PTPN3: variants seen among roughly 807,000 people sequenced by gnomAD.
The protein encoded by PTPN3 is protein tyrosine phosphatase non-receptor type 3.
PTPN3 carries 96 observed loss-of-function variants against 132.7 expected under a neutral mutation model. The observed-to-expected ratio is 0.72, with a 90% CI of 0.61 to 0.86. The LOEUF (loss-of-function observed/expected upper bound fraction) is 0.86, where lower values mean the gene tolerates loss of function less well. PTPN3 is among the 40% of genes least tolerant of loss of function. PTPN3 has a pLI of 0.00. For missense variants in PTPN3, 1,125 were observed against 1,159.6 expected (o/e 0.97, Z 0.43); for synonymous variants, 398 against 429.0 (o/e 0.93, Z 0.89).
At chr9:109,445,599 A>G (rs1449632139) in intron 6 of PTPN3, among the ~76,000 whole-genome samples, 1 of 152,052 alleles carries the variant, frequency 6.6e-6, no homozygotes, top group Admixed American at 6.6e-5. Context: ...TATCTCTAAG[A>G]GGGGAAAAAA....
chr9:109,510,568 AAAAAAAAAATATATATATAT>A, the PTPN3 span, among the ~76,000 whole-genome samples: 2 of 36,138 alleles, frequency 5.5e-5, no homozygotes, highest in Non-Finnish European at 1.1e-4. Flanking sequence ...TAAAAAAAAA[AAAAAAAAAATATATATATAT>A]ATATATATAT....
upstream of PTPN3, among the ~76,000 whole-genome samples, chr9:109,498,610 G>A (rs541500426): frequency 3.2e-4 from 49 of 152,330 alleles, no homozygotes; most frequent in African/African-American, 1.2e-3. This position sits in a 1 kb window ranked among gnomAD's most constrained non-coding sequence, Gnocchi z 4.2. Context: ...GGCGCCCAAA[G>A]AAACTTTGAA....
chr9:109,483,735 C>T (rs1275951327), intron 1 of PTPN3, among the ~76,000 whole-genome samples: 6 of 152,172 alleles, frequency 3.9e-5, no homozygotes, highest in Non-Finnish European at 7.3e-5. Context: ...CAACAGAACC[C>T]GACAGACCCC....
intron 6 of PTPN3, among the ~76,000 whole-genome samples, chr9:109,446,044 C>T (rs1352428356): frequency 6.6e-6 from 1 of 152,176 alleles, no homozygotes; most frequent in Non-Finnish European, 1.5e-5. Flanking sequence ...CTGATTGCTC[C>T]CTTTTCTTTT....
chr9:109,511,838 C>T, the PTPN3 span, among the ~76,000 whole-genome samples: 1 of 152,226 alleles, frequency 6.6e-6, no homozygotes, highest in Non-Finnish European at 1.5e-5. Flanking sequence ...GGTTCTCAAA[C>T]TCCAGCATTC....
chr9:109,454,468 AC>A lies in PTPN3; in HGVS notation c.368+27del, dbSNP rs566972352. ...GTGGTTACTCATTTTTATACACTAA[AC>A]AGAAAACTTTAAAAAAATGTTGTTA... On this transcript the variant is annotated intron_variant, in intron 5 of 25. Transcript: ENST00000374541. 6.0e-4 allele frequency: 954 copies of A among 1,580,712 alleles called. 7 individuals are homozygous for A. In the East Asian group the frequency reaches 0.014, roughly 24 times the overall value.
Position 109,377,394 on chromosome 9 carries a change from CTACACACACA to C in PTPN3, c.*2152_*2161del, listed in dbSNP as rs1200508412. ...TAGGCAACACATCAAGATCCTGTCT[CTACACACACA>C]CACACACACACACACACACACACAC... On this transcript the variant is annotated 3_prime_UTR_variant, in exon 26 of 26. Transcript: ENST00000374541. The C allele has an allele frequency of 3.6e-4, 42 of 115,786 alleles. No homozygotes were observed. Among genetic ancestry groups the C allele is most frequent in the Admixed American group, 2.0e-3 (22 of 11,036 alleles). The allele number at this position is 115,786 out of a possible 1,614,324, so 7.2% of individuals were successfully genotyped here.
At chr9:109,430,097 G>A (rs1460836285) in intron 10 of PTPN3, among the ~76,000 whole-genome samples, 2 of 152,138 alleles carry the variant, frequency 1.3e-5, no homozygotes, top group African/African-American at 4.8e-5. Context: ...ATAGTCTAAG[G>A]ATGAGAAGAG....
At chr9:109,388,253 C>A (rs1839765306) in intron 22 of PTPN3, among the ~76,000 whole-genome samples, 1 of 152,136 alleles carries the variant, frequency 6.6e-6, no homozygotes. Flanking sequence ...CTGAGGTCAT[C>A]CTGTCATCCA....
chr9:109,410,876 G>C (rs1046483939), intron 14 of PTPN3, among the ~76,000 whole-genome samples: 3 of 152,180 alleles, frequency 2.0e-5, no homozygotes, highest in Non-Finnish European at 4.4e-5. Flanking sequence ...GACTGTTGTT[G>C]TTGTGCGTTC....
At chr9:109,472,161 A>G (rs1445293703) in intron 1 of PTPN3, among the ~76,000 whole-genome samples, 1 of 152,264 alleles carries the variant, frequency 6.6e-6, no homozygotes, top group Non-Finnish European at 1.5e-5. Flanking sequence ...AAGCAACAGG[A>G]AAACTGCCAT....
At chr9:109,506,484 T>C in the PTPN3 span, among the ~76,000 whole-genome samples, 62,334 of 142,996 alleles carry the variant, frequency 0.44, 13,570 homozygotes, top group African/African-American at 0.53. Flanking sequence ...TCCTTCCTTC[T>C]TTCCTACCTA....
the PTPN3 span, among the ~76,000 whole-genome samples, chr9:109,532,396 TG>T: frequency 6.6e-6 from 1 of 152,190 alleles, no homozygotes; most frequent in Non-Finnish European, 1.5e-5. Context: ...GTAATCCCAT[TG>T]GCTCTTTTTA....
intron 19 of PTPN3, among the ~76,000 whole-genome samples, chr9:109,394,595 A>C (rs1345334194): frequency 2.0e-5 from 3 of 152,110 alleles, no homozygotes; most frequent in Non-Finnish European, 4.4e-5. Context: ...GGCATGTGCC[A>C]CCACATCCGG....
intron 22 of PTPN3, among the ~76,000 whole-genome samples, chr9:109,387,702 G>A (rs1839710742): frequency 1.3e-5 from 2 of 152,104 alleles, no homozygotes; most frequent in South Asian, 4.2e-4. Context: ...GAACTCAAAC[G>A]CCTCCTCTGA....
At chr9:109,535,078 G>T in the PTPN3 span, among the ~76,000 whole-genome samples, 1 of 152,206 alleles carries the variant, frequency 6.6e-6, no homozygotes, top group Non-Finnish European at 1.5e-5. Flanking sequence ...TGGGATGCCA[G>T]AGCTGGTAGG....
intron 2 of PTPN3, 132 bp downstream of exon 2, chr9:109,463,165 A>T (rs1845931562): frequency 1.0e-6 from 1 of 996,316 alleles, no homozygotes; most frequent in Non-Finnish European, 1.4e-6. Flanking sequence ...GTGCAATCTC[A>T]ACATACAAGA....
chr9:109,525,826 C>T, the PTPN3 span, among the ~76,000 whole-genome samples: 2 of 152,190 alleles, frequency 1.3e-5, no homozygotes, highest in Admixed American at 1.3e-4. Context: ...GACTGTATAC[C>T]TTTGACAAAA....
intron 1 of PTPN3, among the ~76,000 whole-genome samples, chr9:109,485,387 A>T (rs796771391): frequency 3.3e-5 from 5 of 152,236 alleles, no homozygotes; most frequent in African/African-American, 1.2e-4. Context: ...GGGCGCCTGC[A>T]GTCCCAGCTA....
Sources: allele counts gnomAD v4.1 joint callset (sites outside exome capture counted in the v4.1 genomes callset), GRCh38; gene constraint gnomAD v4.1.1; non-coding constraint Gnocchi (gnomAD v3.1); transcripts MANE v1.5; gene names NCBI Gene and HGNC (gene_info 2026-07-23, HGNC 2026-07-21).